CDK19: variants seen among roughly 807,000 people sequenced by gnomAD.
The protein encoded by CDK19 is cyclin-dependent kinase 19.
CDK19 carries 20 observed loss-of-function variants against 68.3 expected under a neutral mutation model. The observed-to-expected ratio is 0.29, with a 90% CI of 0.21 to 0.43. CDK19 has a LOEUF of 0.43. Ranked by LOEUF, CDK19 falls within the 20% of genes least tolerant of loss-of-function variation. The probability of loss-of-function intolerance (pLI) is 1.00; values close to 1 mark genes in which losing one functional copy is unlikely to be tolerated. For missense variants in CDK19, 339 were observed against 623.5 expected (o/e 0.54, Z 4.86); for synonymous variants, 221 against 222.8 (o/e 0.99, Z 0.07).
chr6:110,802,443 G>A (rs544784465), intron 1 of CDK19, among the ~76,000 whole-genome samples: 12 of 152,254 alleles, frequency 7.9e-5, no homozygotes, highest in South Asian at 6.2e-4. Context: ...ATTAAATACC[G>A]CATGTCCTCA....
chr6:110,777,375 T>C (rs1431030887), intron 1 of CDK19, among the ~76,000 whole-genome samples: 1 of 152,180 alleles, frequency 6.6e-6, no homozygotes, highest in South Asian at 2.1e-4. Context: ...GTTACATAAC[T>C]CACTCAAACA....
chr6:110,703,477 T>C (rs1449281130), intron 2 of CDK19, among the ~76,000 whole-genome samples: 1 of 152,176 alleles, frequency 6.6e-6, no homozygotes, highest in Non-Finnish European at 1.5e-5. Flanking sequence ...AAATACATAA[T>C]TTCTGAAAAT....
In CDK19 at chr6:110,815,152, T is replaced by A. The variant is rs757970333; in HGVS notation, c.-16A>T. 6.4e-7 allele frequency: 1 copy of A among 1,573,244 alleles called. No individual in the cohort carries two copies. Among genetic ancestry groups the A allele is most frequent in the Non-Finnish European group, 8.6e-7 (1 of 1,161,376 alleles). On this transcript the variant is annotated 5_prime_UTR_variant, in exon 1 of 13. An upstream start codon of the reference 5' UTR is lost. Transcript: ENST00000368911. ...CATAATCCATTGTCTGCTTCCCCCA[T>A]AGAGGCACGGGACGCGGGGGCCGCC...
chr6:110,769,565 A>C (rs1282437120), intron 1 of CDK19, among the ~76,000 whole-genome samples: 1 of 133,200 alleles, frequency 7.5e-6, no homozygotes. Context: ...ATTCCATCTC[A>C]AAAAAAAAAA....
chr6:110,805,261 T>C (rs1782603210), intron 1 of CDK19, among the ~76,000 whole-genome samples: 1 of 152,192 alleles, frequency 6.6e-6, no homozygotes. Context: ...GAAATTGTCA[T>C]GCTAGTTGTT....
intron 2 of CDK19, among the ~76,000 whole-genome samples, chr6:110,698,899 C>T (rs1190132705): frequency 6.6e-6 from 1 of 151,568 alleles, no homozygotes; most frequent in East Asian, 1.9e-4. Flanking sequence ...GATAAAACCC[C>T]ATCTCTACAA....
chr6:110,796,064 C>A (rs1246055457), intron 1 of CDK19, among the ~76,000 whole-genome samples: 11 of 152,190 alleles, frequency 7.2e-5, no homozygotes, highest in African/African-American at 2.4e-4. Flanking sequence ...GACTGCTGGG[C>A]ACGGTGGCTC....
intron 1 of CDK19, among the ~76,000 whole-genome samples, chr6:110,787,002 C>T (rs1476560368): frequency 1.3e-5 from 2 of 152,144 alleles, no homozygotes; most frequent in Non-Finnish European, 2.9e-5. Context: ...TGCCTTAAAT[C>T]CTGGGGCTTG....
At chr6:110,748,869 A>G (rs1483524301) in intron 1 of CDK19, among the ~76,000 whole-genome samples, 3 of 152,262 alleles carry the variant, frequency 2.0e-5, no homozygotes, top group Non-Finnish European at 4.4e-5. Context: ...AAATATCATA[A>G]AAGAACAATT....
chr6:110,679,449 C>T (rs1373396946), intron 2 of CDK19, among the ~76,000 whole-genome samples: 1 of 152,024 alleles, frequency 6.6e-6, no homozygotes, highest in Non-Finnish European at 1.5e-5. Context: ...ACCATCTCTA[C>T]TAAAATACAA....
intron 2 of CDK19, among the ~76,000 whole-genome samples, chr6:110,675,772 T>C (rs1771475800): frequency 6.6e-6 from 1 of 152,096 alleles, no homozygotes; most frequent in Non-Finnish European, 1.5e-5. Flanking sequence ...ACTGACTACC[T>C]AGAAAAAAGA....
At chr6:110,793,615 C>T (rs1306131618) in intron 1 of CDK19, among the ~76,000 whole-genome samples, 2 of 152,194 alleles carry the variant, frequency 1.3e-5, no homozygotes, top group Non-Finnish European at 2.9e-5. Flanking sequence ...TCATTGAACC[C>T]TTTGTTCCAC....
At chr6:110,644,495 T>C (rs576398127) in intron 4 of CDK19, among the ~76,000 whole-genome samples, 22 of 152,234 alleles carry the variant, frequency 1.4e-4, no homozygotes, top group African/African-American at 2.6e-4. Context: ...ATTGTACTTT[T>C]AAAAATAACT....
At chr6:110,666,799 G>C (rs1258008552) in intron 4 of CDK19, among the ~76,000 whole-genome samples, 1 of 151,900 alleles carries the variant, frequency 6.6e-6, no homozygotes, top group African/African-American at 2.4e-5. Context: ...ATCTTCTTAA[G>C]AACAAACAAA....
chr6:110,766,361 C>T (rs1779585554), intron 1 of CDK19, among the ~76,000 whole-genome samples: 1 of 151,292 alleles, frequency 6.6e-6, no homozygotes, highest in Non-Finnish European at 1.5e-5. Flanking sequence ...GATCACTTGA[C>T]ATCAGGGGTG....
intron 2 of CDK19, among the ~76,000 whole-genome samples, chr6:110,703,196 G>T (rs1774154537): frequency 6.6e-6 from 1 of 151,954 alleles, no homozygotes; most frequent in Non-Finnish European, 1.5e-5. Context: ...GACTAAAATA[G>T]AAAATAATTG....
At chr6:110,808,592 A>T (rs958381648) in intron 1 of CDK19, among the ~76,000 whole-genome samples, 1 of 152,240 alleles carries the variant, frequency 6.6e-6, no homozygotes, top group African/African-American at 2.4e-5. Flanking sequence ...TCATTGAAAA[A>T]GAACACATTA....
Position 110,667,590 on chromosome 6 carries a change from AAAC to A in CDK19, c.316-19_316-17del, listed in dbSNP as rs772086249. 1.9e-4 allele frequency: 262 copies of A among 1,378,688 alleles called. 1 individual carries two copies. Among genetic ancestry groups the A allele is most frequent in the Middle Eastern group, 1.5e-3 (8 of 5,494 alleles). The allele number at this position is 1,378,688 out of a possible 1,614,324, so 85.4% of individuals were successfully genotyped here. On this transcript the variant is annotated splice_polypyrimidine_tract_variant and intron_variant, in intron 3 of 12. Transcript: ENST00000368911. ...TAATAATATGCTAAAAATTAAAAAA[AAAC>A]ATAATAATATAGTCTTTGCTAATAT...
At chr6:110,732,026 A>G (rs1326393511) in intron 2 of CDK19, among the ~76,000 whole-genome samples, 2 of 152,138 alleles carry the variant, frequency 1.3e-5, no homozygotes, top group Non-Finnish European at 2.9e-5. Flanking sequence ...AAGTAATCAG[A>G]TCTGTGAAAT....
Sources: gnomAD v4.1 joint callset for allele counts (sites outside exome capture counted in the v4.1 genomes callset) on GRCh38, gnomAD v4.1.1 for gene constraint, MANE v1.5 for transcripts, NCBI Gene and HGNC (gene_info 2026-07-23, HGNC 2026-07-21) for gene names.